The following FHIT variants were observed in gnomAD, a reference collection of about 807,000 sequenced individuals.
FHIT encodes the protein bis(5'-adenosyl)-triphosphatase.
In FHIT, 19 loss-of-function variants were observed where a neutral mutation model predicts 17.9. The ratio of observed to expected loss-of-function variants is 1.06; its 90% CI spans 0.74 to 1.56. The LOEUF (loss-of-function observed/expected upper bound fraction) is 1.56. Among genes scored for constraint, FHIT ranks in the 40% most tolerant of loss-of-function variants. The pLI is 0.00. For missense variants in FHIT, 248 were observed against 189.2 expected (o/e 1.31, Z -1.82); for synonymous variants, 81 against 69.7 (o/e 1.16, Z -0.81).
chr3:60,952,273 A>C (rs1180366112), intron 3 of FHIT, among the ~76,000 whole-genome samples: 3 of 150,722 alleles, frequency 2.0e-5, no homozygotes, highest in Non-Finnish European at 4.4e-5. Flanking sequence ...TCGGCCAACC[A>C]CTATAGTGGG....
intron 3 of FHIT, among the ~76,000 whole-genome samples, chr3:60,890,578 C>G (rs1168271331): frequency 7.2e-5 from 11 of 152,186 alleles, no homozygotes; most frequent in African/African-American, 2.7e-4. Flanking sequence ...TTTTGTAAAC[C>G]TGCATCTAAA....
intron 4 of FHIT, among the ~76,000 whole-genome samples, chr3:60,579,242 C>A (rs760058162): frequency 5.3e-5 from 8 of 152,142 alleles, no homozygotes; most frequent in Non-Finnish European, 1.0e-4. Context: ...ACGCTATATG[C>A]TATATGCTGT....
chr3:61,202,304 G>C (rs1428540820), intron 1 of FHIT, among the ~76,000 whole-genome samples: 2 of 151,086 alleles, frequency 1.3e-5, no homozygotes, highest in Non-Finnish European at 3.0e-5. Context: ...GCCCTGTCCG[G>C]GAAGTGAGGA....
chr3:60,520,733 C>T (rs1202188578), intron 5 of FHIT, among the ~76,000 whole-genome samples: 2 of 151,916 alleles, frequency 1.3e-5, no homozygotes, highest in Admixed American at 6.6e-5. Context: ...GGTGGAGGAG[C>T]GAGACACTTA....
At chr3:61,105,218 A>G (rs2035955431) in intron 2 of FHIT, among the ~76,000 whole-genome samples, 1 of 149,376 alleles carries the variant, frequency 6.7e-6, no homozygotes, top group African/African-American at 2.4e-5. Flanking sequence ...TTAATCTTTG[A>G]GGTTGCTGAC....
chr3:61,140,808 T>C (rs905479380), intron 2 of FHIT, among the ~76,000 whole-genome samples: 19 of 152,218 alleles, frequency 1.2e-4, no homozygotes, highest in African/African-American at 3.6e-4. Context: ...GTATTTTACA[T>C]TGAGACACTA....
intron 2 of FHIT, among the ~76,000 whole-genome samples, chr3:61,194,519 G>A (rs937761045): frequency 1.3e-5 from 2 of 152,036 alleles, no homozygotes; most frequent in East Asian, 1.9e-4. Flanking sequence ...TGTAGCTAAT[G>A]AGCATTATTA....
rs2042302500 is a variant in FHIT at position 60,744,258 on chromosome 3, CAAAACAAAACAAA to C, written c.-18+77648_-18+77660del. Among the ~76,000 whole-genome samples the C allele has an allele frequency of 5.3e-4, 51 of 95,642 alleles. 1 individual carries two copies. Among genetic ancestry groups the C allele is most frequent in the Non-Finnish European group, 9.5e-4 (46 of 48,346 alleles). 62.7% of individuals were successfully genotyped at this position (95,642 alleles called of 152,430 possible). On this transcript the variant is annotated intron_variant, in intron 4 of 9. Transcript: ENST00000492590. ...ATTGGAAGTAATGTAAAAAAAAAAA[CAAAACAAAACAAA>C]AAAAAAAAAAAACAGAAAGAAAAGA...
Position 60,536,889 on chromosome 3 carries a change from A to G in FHIT, c.74T>C (p.Leu25Pro). 1 of 1,611,692 alleles carries G rather than the reference A, an allele frequency of 6.2e-7. No homozygotes were observed. Among genetic ancestry groups the G allele is most frequent in the South Asian group, 1.1e-5 (1 of 90,406 alleles). Reference protein sequence around the residue: ...VFLKTELSFALVNRKPVVPGH... With the variant: ...VFLKTELSFAPVNRKPVVPGH... ...TGGTACCACAGGTTTCCTATTCACA[A>G]GAGCGAAGGACAGTTCTGTTTTGAG... The change falls in exon 5 of 10, where the codon CTT becomes CCT. Residue 25 changes from leucine (L) to proline (P), a missense_variant. Physicochemically the swap from Leu to Pro is moderately conservative, Grantham distance 98. Transcript: ENST00000492590.
At chr3:61,090,063 T>A (rs2035433166) in intron 2 of FHIT, among the ~76,000 whole-genome samples, 1 of 152,214 alleles carries the variant, frequency 6.6e-6, no homozygotes, top group Non-Finnish European at 1.5e-5. Flanking sequence ...GAGGTTTTTA[T>A]AAAGCTAAAT....
intron 5 of FHIT, among the ~76,000 whole-genome samples, chr3:60,159,986 T>A (rs187037416): frequency 6.6e-6 from 1 of 152,210 alleles, no homozygotes; most frequent in Non-Finnish European, 1.5e-5. Context: ...CAGTAAAAAT[T>A]ACGGACATAG....
intron 7 of FHIT, among the ~76,000 whole-genome samples, chr3:59,970,728 T>C (rs1481616701): frequency 1.3e-5 from 2 of 152,096 alleles, no homozygotes; most frequent in Non-Finnish European, 2.9e-5. Flanking sequence ...TTTGTTATTG[T>C]TGTTCTCCGG....
chr3:60,523,452 T>C (rs1435213482), intron 5 of FHIT, among the ~76,000 whole-genome samples: 1 of 152,128 alleles, frequency 6.6e-6, no homozygotes, highest in Non-Finnish European at 1.5e-5. Context: ...TTGATTATTA[T>C]AGAAATAATA....
intron 4 of FHIT, among the ~76,000 whole-genome samples, chr3:60,629,507 C>A (rs1408397909): frequency 2.0e-5 from 3 of 152,330 alleles, no homozygotes; most frequent in African/African-American, 7.2e-5. Context: ...CAAGAAACTT[C>A]TCTTTAAGCC....
intron 2 of FHIT, among the ~76,000 whole-genome samples, chr3:61,045,960 T>C (rs112217702): frequency 2.0e-4 from 31 of 151,862 alleles, no homozygotes; most frequent in African/African-American, 7.5e-4. Context: ...AGACGCAACA[T>C]ACTAGAATCT....
rs191584878 is a variant in FHIT at position 60,148,728 on chromosome 3, C to G, written c.104-134576G>C. On this transcript the variant is annotated intron_variant, in intron 5 of 9. Coordinates refer to ENST00000492590, the MANE Select transcript of FHIT (RefSeq NM_002012.4). ...AGAATGTCTCTTGCAGAATTAAGAC[C>G]TTGGGATTCTTTTAAAGCCTGGGTT... 1.3e-3 allele frequency among the ~76,000 whole-genome samples: 200 copies of G among 152,258 alleles called. 1 individual carries two copies. Among genetic ancestry groups the G allele is most frequent in the African/African-American group, 4.7e-3 (194 of 41,546 alleles).
chr3:60,454,593 C>T (rs902378730), intron 5 of FHIT, among the ~76,000 whole-genome samples: 2 of 151,970 alleles, frequency 1.3e-5, no homozygotes, highest in Non-Finnish European at 2.9e-5. Flanking sequence ...ACCGTGTTAG[C>T]CAGGATGGTC....
At position 60,338,067 on chromosome 3, in the gene FHIT, A is replaced by G. The variant is rs1710329404; in HGVS notation, c.103+198793T>C. Among the ~76,000 whole-genome samples, 3 of 152,270 alleles carry G rather than the reference A, an allele frequency of 2.0e-5. No homozygotes were observed. In the South Asian group the frequency reaches 6.2e-4, roughly 32 times the overall value. On this transcript the variant is annotated intron_variant, in intron 5 of 9. Transcript: ENST00000492590. ...TTCCCATTTATGTAGAGACCTTGAG[A>G]GAAGTGTCATACCTGAGATGCAGCA...
intron 4 of FHIT, among the ~76,000 whole-genome samples, chr3:60,678,402 T>C (rs1294149045): frequency 1.3e-5 from 2 of 152,204 alleles, no homozygotes; most frequent in African/African-American, 4.8e-5. Flanking sequence ...CATGTTATTA[T>C]AGAGGTCAAT....
Sources: allele counts gnomAD v4.1 joint callset (sites outside exome capture counted in the v4.1 genomes callset), GRCh38; gene constraint gnomAD v4.1.1; transcripts MANE v1.5; gene names NCBI Gene and HGNC (gene_info 2026-07-23, HGNC 2026-07-21).